Variants in KIF13B observed in about 807,000 individuals in gnomAD.
KIF13B encodes kinesin-like protein KIF13B.
KIF13B carries 127 observed loss-of-function variants against 222.0 expected under a neutral mutation model. The observed-to-expected ratio is 0.57, with a 90% CI of 0.50 to 0.66. KIF13B has a LOEUF of 0.66. Ranked by LOEUF, KIF13B falls within the 30% of genes least tolerant of loss-of-function variation. KIF13B has a pLI of 0.00. For missense variants in KIF13B, 2,173 were observed against 2,379.0 expected (o/e 0.91, Z 1.80); for synonymous variants, 976 against 919.0 (o/e 1.06, Z -1.12).
In KIF13B at chr8:29,191,049, A is replaced by C; in HGVS notation, c.171T>G (p.Ala57=). The C allele has an allele frequency of 6.2e-7, 1 of 1,609,330 alleles. No individual in the cohort carries two copies. Among genetic ancestry groups the C allele is most frequent in the Non-Finnish European group, 8.5e-7 (1 of 1,177,528 alleles). Residue 57 remains alanine, a synonymous_variant, in exon 4 of 40, where the codon GCT becomes GCG. Transcript: ENST00000524189. ...GDARGQPKVF[A]YDHCFWSMDE... The stretch of plus-strand genomic sequence containing the variant: ...CCATAGACCAGAAACAATGATCATA[A>C]GCAAACACCTGTTGAAAATGAACAT...
intron 21 of KIF13B, 104 bp from the exon 22 acceptor site, chr8:29,134,314 G>A: frequency 9.3e-7 from 1 of 1,070,488 alleles, no homozygotes; most frequent in Non-Finnish European, 1.4e-6. Context: ...AGGTGCTTAT[G>A]ATATTTATGT....
chr8:29,086,218 G>A (rs1181166484), intron 37 of KIF13B, among the ~76,000 whole-genome samples: 5 of 152,196 alleles, frequency 3.3e-5, no homozygotes, highest in African/African-American at 1.2e-4. Context: ...AGCCCAGGGT[G>A]GGGGCTGGGG....
At chr8:29,187,623 T>C (rs910934076) in intron 5 of KIF13B, among the ~76,000 whole-genome samples, 1 of 152,220 alleles carries the variant, frequency 6.6e-6, no homozygotes, top group African/African-American at 2.4e-5. Context: ...TAAATTACCA[T>C]AGTCCTACTG....
chr8:29,105,661 T>TTG (rs1168216361), intron 35 of KIF13B, among the ~76,000 whole-genome samples: 88 of 129,000 alleles, frequency 6.8e-4, no homozygotes, highest in African/African-American at 2.5e-3. Context: ...TTTTTTTTTT[T>TTG]TTTTTTTTTT....
At chr8:29,092,661 G>GCACCTC (rs915758511) in intron 37 of KIF13B, 84 bp downstream of exon 37, 7 of 1,416,190 alleles carry the variant, frequency 4.9e-6, no homozygotes, top group Non-Finnish European at 6.6e-6. Context: ...CCCAGAGGCC[G>GCACCTC]CACCTCCACC....
At chr8:29,107,935 A>G (rs1192263456) in intron 35 of KIF13B, among the ~76,000 whole-genome samples, 1 of 152,230 alleles carries the variant, frequency 6.6e-6, no homozygotes, top group Non-Finnish European at 1.5e-5. Flanking sequence ...ATTGTTTTTC[A>G]ACCCCAGTAG....
chr8:29,181,684 C>A (rs1462531521), intron 7 of KIF13B, among the ~76,000 whole-genome samples: 1 of 152,166 alleles, frequency 6.6e-6, no homozygotes, highest in East Asian at 1.9e-4. Context: ...GATTCCAAAC[C>A]CACTTTAGAT....
chr8:29,224,871 G>C (rs1197831339), intron 2 of KIF13B, among the ~76,000 whole-genome samples: 1 of 152,186 alleles, frequency 6.6e-6, no homozygotes, highest in Non-Finnish European at 1.5e-5. Context: ...GGGATGATGA[G>C]ACTTCTGTAC....
At chr8:29,122,966 G>A (rs560585667) in intron 28 of KIF13B, among the ~76,000 whole-genome samples, 26 of 152,186 alleles carry the variant, frequency 1.7e-4, no homozygotes, top group Admixed American at 1.6e-3. Context: ...TTTCTATAAC[G>A]TAGCACAGAA....
chr8:29,203,869 G>C lies in KIF13B; in HGVS notation c.150-7670C>G, dbSNP rs1024834292. Reference sequence around the variant, plus strand: ...AGATCACACCACTGCACTCCAGCCTGGGTGACAGAGGGAGTTCCGTCTCAA... The same window carrying C: ...AGATCACACCACTGCACTCCAGCCTCGGTGACAGAGGGAGTTCCGTCTCAA... On this transcript the variant is annotated intron_variant, in intron 2 of 39. Transcript: ENST00000524189. Among the ~76,000 whole-genome samples the C allele has an allele frequency of 2.1e-5, 3 of 146,174 alleles. No individual in the cohort carries two copies. The South Asian group carries it at 6.6e-4, about 32-fold the overall frequency.
At position 29,142,402 on chromosome 8, in the gene KIF13B, A is replaced by C. The variant is rs1044513115; in HGVS notation, c.2188-99T>G. 3.0e-5 allele frequency: 30 copies of C among 1,013,282 alleles called. No homozygotes were observed. In the East Asian group the frequency reaches 7.8e-4, roughly 26 times the overall value. 62.8% of individuals were successfully genotyped at this position (1,013,282 alleles called of 1,614,324 possible). A position where few individuals can be genotyped will look rare whatever the true frequency, so the allele number is the denominator to read the frequency against. On this transcript the variant is annotated intron_variant, in intron 18 of 39. Transcript: ENST00000524189. The stretch of plus-strand genomic sequence containing the variant: ...ATCAGTCAAATGTCATTACACCAAA[A>C]CTCAAATGGCAATCATCCTTTAATC...
At position 29,118,845 on chromosome 8, in the gene KIF13B, AT is replaced by A. The variant is rs757156833; in HGVS notation, c.3660+22del. The stretch of plus-strand genomic sequence containing the variant: ...TAAGGAAACCACTTTTCATCTGACC[AT>A]CCCAAGTTAGGCTTTCCTTACCTCC... On this transcript the variant is annotated intron_variant, in intron 30 of 39. Coordinates refer to ENST00000524189, the MANE Select transcript of KIF13B (RefSeq NM_015254.4). 10 of 1,612,346 alleles carry A rather than the reference AT, an allele frequency of 6.2e-6. 1 individual carries two copies. The South Asian group carries it at 1.1e-4, about 18-fold the overall frequency.
At position 29,132,477 on chromosome 8, in the gene KIF13B, C is replaced by G. The variant is rs745561136; in HGVS notation, c.2785-12G>C. 6 of 1,455,574 alleles carry G rather than the reference C, an allele frequency of 4.1e-6. No homozygotes were observed. The South Asian group carries it at 9.2e-5, about 22-fold the overall frequency. 90.2% of individuals were successfully genotyped at this position (1,455,574 alleles called of 1,614,324 possible). ...TTAACAGAAAACTCCTGAAACACAA[C>G]AGCTAATTACAGAAGAGCAAACTCT... On this transcript the variant is annotated splice_polypyrimidine_tract_variant and intron_variant, in intron 22 of 39. Transcript: ENST00000524189.
intron 37 of KIF13B, among the ~76,000 whole-genome samples, chr8:29,077,318 G>A (rs1807610046): frequency 6.6e-6 from 1 of 152,198 alleles, no homozygotes; most frequent in Non-Finnish European, 1.5e-5. Context: ...ATCTCCCAGA[G>A]AAGAAAGTGA....
intron 38 of KIF13B, among the ~76,000 whole-genome samples, chr8:29,073,659 G>A (rs1000958361): frequency 2.8e-4 from 43 of 152,066 alleles, no homozygotes; most frequent in African/African-American, 8.5e-4. Flanking sequence ...TTTGAAATAC[G>A]GGATTTATTT....
chr8:29,105,371 G>T (rs891360570), intron 35 of KIF13B, among the ~76,000 whole-genome samples: 2 of 152,162 alleles, frequency 1.3e-5, no homozygotes, highest in Non-Finnish European at 2.9e-5. Flanking sequence ...TGCTCACAGT[G>T]TTCCTTCAGC....
chr8:29,180,059 T>C, intron 8 of KIF13B, 45 bp downstream of exon 8: 1 of 1,604,902 alleles, frequency 6.2e-7, no homozygotes, highest in Non-Finnish European at 8.5e-7. Flanking sequence ...AAAACCACAA[T>C]CCACTTTAGA....
At chr8:29,187,637 G>A (rs545478039) in intron 5 of KIF13B, among the ~76,000 whole-genome samples, 19 of 152,288 alleles carry the variant, frequency 1.2e-4, no homozygotes, top group African/African-American at 4.3e-4. Context: ...CCTACTGCCC[G>A]AAAACCAGTA....
Position 29,072,094 on chromosome 8 carries a change from G to C in KIF13B, c.4744C>G (p.Leu1582Val). ...GCCGCAGCGTCCAGGCCGGGGCCCA[G>C]GGCGTCCGACAGGGTCGCGGTGGAG... ...SVSTATLSDA[L>V]GPGLDAAAPP... Residue 1582 changes from leucine to valine, a missense_variant, in exon 39 of 40, where the codon CTG becomes GTG. Leu to Val is a conservative substitution (Grantham distance 32). Transcript: ENST00000524189. 1 of 1,347,652 alleles carries C rather than the reference G, an allele frequency of 7.4e-7. No homozygotes were observed. Among genetic ancestry groups the C allele is most frequent in the Non-Finnish European group, 9.5e-7 (1 of 1,047,190 alleles). The allele number at this position is 1,347,652 out of a possible 1,614,324, so 83.5% of individuals were successfully genotyped here. A position where few individuals can be genotyped will look rare whatever the true frequency, so the allele number is the denominator to read the frequency against.
Sources: gnomAD v4.1 joint callset for allele counts (sites outside exome capture counted in the v4.1 genomes callset) on GRCh38, gnomAD v4.1.1 for gene constraint, MANE v1.5 for transcripts, NCBI Gene and HGNC (gene_info 2026-07-23, HGNC 2026-07-21) for gene names.